Variants in NIPAL3 observed in about 807,000 individuals in gnomAD.
NIPAL3 encodes NIPA-like protein 3.
NIPAL3 carries 41 observed loss-of-function variants against 47.2 expected under a neutral mutation model. The ratio of observed to expected loss-of-function variants is 0.87; its 90% CI spans 0.68 to 1.13. The LOEUF is 1.13. Ranked by LOEUF, NIPAL3 falls within the 50% of genes most tolerant of loss-of-function variation. NIPAL3 has a pLI of 0.00. For synonymous variants in NIPAL3, 194 were observed against 209.6 expected, an observed-to-expected ratio of 0.93 and a Z score of 0.64; for missense variants, 449 against 530.1, an observed-to-expected ratio of 0.85 and a Z score of 1.50.
chr1:24,438,256 G>T (rs1645214252), intron 2 of NIPAL3, among the ~76,000 whole-genome samples: 1 of 152,184 alleles, frequency 6.6e-6, no homozygotes. Flanking sequence ...TGCTCATCGG[G>T]TGAGTCAGAA....
intron 2 of NIPAL3, among the ~76,000 whole-genome samples, chr1:24,434,192 A>G (rs1340143939): frequency 6.6e-6 from 1 of 152,214 alleles, no homozygotes; most frequent in Non-Finnish European, 1.5e-5. Context: ...TGTGCTATCT[A>G]CAAAAGATTC....
At chr1:24,420,839 C>G (rs1024863362) in intron 2 of NIPAL3, among the ~76,000 whole-genome samples, 1 of 152,066 alleles carries the variant, frequency 6.6e-6, no homozygotes, top group Non-Finnish European at 1.5e-5. Context: ...CCATGAACAT[C>G]CTGGAGTGTA....
rs180832343 is a variant in NIPAL3 at position 24,442,334 on chromosome 1, A to G, written c.334+108A>G. On this transcript the variant is annotated intron_variant, in intron 4 of 11. Coordinates refer to ENST00000374399, the MANE Select transcript of NIPAL3 (RefSeq NM_020448.5). ...ATTGAACAAACCAGCTTTAGCTTGG[A>G]TAATAATAGCCTAATACAAAGGGCT... 4.7e-5 allele frequency: 58 copies of G among 1,226,818 alleles called. No individual in the cohort carries two copies. In the Admixed American group the frequency reaches 1.1e-3, roughly 24 times the overall value. 76.0% of individuals were successfully genotyped at this position (1,226,818 alleles called of 1,614,324 possible).
At chr1:24,463,957 C>A (rs1646587993) in intron 10 of NIPAL3, 69 bp from the exon 11 acceptor site, 1 of 1,337,532 alleles carries the variant, frequency 7.5e-7, no homozygotes, top group Non-Finnish European at 1.0e-6. Flanking sequence ...ATCACCTGAG[C>A]CTGAAAGTGT....
At position 24,449,653 on chromosome 1, in the gene NIPAL3, C is replaced by G. The variant is rs764572810; in HGVS notation, c.540+27C>G. The stretch of plus-strand genomic sequence containing the variant: ...TAAGAGAAGCCTCCAGTCGTTCCCC[C>G]TGAGATGGCAGGAGGGAGATCAAGT... On this transcript the variant is annotated intron_variant, in intron 6 of 11. Coordinates refer to ENST00000374399, the MANE Select transcript of NIPAL3 (RefSeq NM_020448.5). The surrounding 1 kb of genome is among the most constrained non-coding windows in gnomAD (Gnocchi z 4.5). 1.2e-6 allele frequency: 2 copies of G among 1,603,018 alleles called. No individual in the cohort carries two copies. The highest frequency in any genetic ancestry group is 3.4e-5 in the Admixed American group (2 of 59,686).
chr1:24,418,084 TG>T (rs1250152517), intron 1 of NIPAL3, among the ~76,000 whole-genome samples: 1 of 152,100 alleles, frequency 6.6e-6, no homozygotes, highest in African/African-American at 2.4e-5. Context: ...CCATGTGGAG[TG>T]GGAACATTAT....
intron 2 of NIPAL3, among the ~76,000 whole-genome samples, chr1:24,427,559 G>A (rs1317912457): frequency 6.6e-6 from 1 of 152,122 alleles, no homozygotes; most frequent in East Asian, 1.9e-4. Context: ...GCACTGATAA[G>A]GTTATTTTTT....
chr1:24,424,054 G>GT (rs1166002672), intron 2 of NIPAL3, among the ~76,000 whole-genome samples: 12 of 152,218 alleles, frequency 7.9e-5, no homozygotes, highest in Admixed American at 7.9e-4. Context: ...GAGATTTCTA[G>GT]TAAGTTTCCA....
intron 2 of NIPAL3, among the ~76,000 whole-genome samples, chr1:24,437,580 AAGGTCTGGAACCAGG>A (rs555067205): frequency 3.9e-5 from 6 of 152,230 alleles, no homozygotes; most frequent in African/African-American, 1.2e-4. Flanking sequence ...TGGCTTCAGG[AAGGTCTGGAACCAGG>A]AGGTCTGGAA....
upstream of NIPAL3, chr1:24,414,584 G>C (rs1217423814): frequency 3.0e-5 from 4 of 134,298 alleles, no homozygotes; most frequent in Admixed American, 1.5e-4. Flanking sequence ...CGCCCAGCTG[G>C]AGTGCAGTGG....
intron 2 of NIPAL3, among the ~76,000 whole-genome samples, chr1:24,429,132 G>C (rs937452675): frequency 5.3e-5 from 8 of 152,120 alleles, no homozygotes; most frequent in African/African-American, 1.7e-4. Context: ...AATATTGGCC[G>C]GGCATGGTGG....
chr1:24,468,270 G>A (rs1322123545), intron 11 of NIPAL3, among the ~76,000 whole-genome samples: 4 of 152,026 alleles, frequency 2.6e-5, no homozygotes, highest in Non-Finnish European at 5.9e-5. Flanking sequence ...AGCCAAGATC[G>A]CTCCACTGCA....
At chr1:24,438,350 G>GT (rs139589440) in intron 2 of NIPAL3, among the ~76,000 whole-genome samples, 3,538 of 152,274 alleles carry the variant, frequency 0.023, 142 homozygotes, top group African/African-American at 0.081. Flanking sequence ...CTAGACTGGG[G>GT]TCCCCTGGCT....
At position 24,449,153 on chromosome 1, in the gene NIPAL3, C is replaced by T. The variant is rs1347282919; in HGVS notation, c.395-328C>T. ...GGGTGGGGTCTAGTAATCAATTTCA[C>T]AAATGAGAAATTTCAGTATCTGGCT... On this transcript the variant is annotated intron_variant, in intron 5 of 11. Coordinates refer to ENST00000374399, the MANE Select transcript of NIPAL3 (RefSeq NM_020448.5). The surrounding 1 kb of genome is among the most constrained non-coding windows in gnomAD (Gnocchi z 4.5). Among the ~76,000 whole-genome samples, 1 of 152,228 alleles carries T rather than the reference C, an allele frequency of 6.6e-6. No individual in the cohort carries two copies. Among genetic ancestry groups the T allele is most frequent in the Non-Finnish European group, 1.5e-5 (1 of 68,040 alleles).
chr1:24,432,225 G>A (rs965632623), intron 2 of NIPAL3, among the ~76,000 whole-genome samples: 1 of 152,126 alleles, frequency 6.6e-6, no homozygotes. Flanking sequence ...CGCCTTCCGG[G>A]TTAGTGATTC....
chr1:24,458,866 C>T (rs763283516), intron 8 of NIPAL3, 22 bp from the exon 9 acceptor site: 1 of 1,602,540 alleles, frequency 6.2e-7, no homozygotes, highest in Admixed American at 1.7e-5. Context: ...AGCCCACTGA[C>T]TGGAGTGCTT....
intron 10 of NIPAL3, among the ~76,000 whole-genome samples, chr1:24,462,227 G>C (rs1646503287): frequency 6.6e-6 from 1 of 152,304 alleles, no homozygotes; most frequent in African/African-American, 2.4e-5. Flanking sequence ...CCATGATTCA[G>C]TTACCTCCCA....
rs2148872852 is a variant in NIPAL3, at chr1:24,470,164, G to A, written c.*979G>A. ...CTGGTTAATTTCCTTGAAGTCAATA[G>A]AGACTCTCTGGGTCCTCATCCCCAT... On this transcript the variant is annotated 3_prime_UTR_variant, in exon 12 of 12. Coordinates refer to ENST00000374399, the MANE Select transcript of NIPAL3 (RefSeq NM_020448.5). 6.6e-6 allele frequency: 1 copy of A among 152,282 alleles called. No individual in the cohort carries two copies. Among genetic ancestry groups the A allele is most frequent in the South Asian group, 2.1e-4 (1 of 4,826 alleles). The allele number at this position is 152,282 out of a possible 1,614,324, so 9.4% of individuals were successfully genotyped here. A position where few individuals can be genotyped will look rare whatever the true frequency, so the allele number is the denominator to read the frequency against.
intron 2 of NIPAL3, among the ~76,000 whole-genome samples, chr1:24,438,877 A>G (rs1645247308): frequency 8.5e-6 from 1 of 117,206 alleles, no homozygotes; most frequent in Non-Finnish European, 1.9e-5. Flanking sequence ...GGGACTTGCT[A>G]TAGTGTGGTT....
Sources: gnomAD v4.1 joint callset for allele counts (sites outside exome capture counted in the v4.1 genomes callset) on GRCh38, gnomAD v4.1.1 for gene constraint, Gnocchi (gnomAD v3.1) non-coding constraint, MANE v1.5 for transcripts, NCBI Gene and HGNC (gene_info 2026-07-23, HGNC 2026-07-21) for gene names.